Variants in GRB10 observed in about 807,000 individuals in gnomAD.
GRB10 encodes the protein growth factor receptor bound protein 10, also known as growth factor receptor-bound protein 10.
In GRB10, 20 loss-of-function variants were observed where a neutral mutation model predicts 80.9. The observed-to-expected ratio is 0.25, with a 90% CI of 0.17 to 0.36. GRB10 has a LOEUF of 0.36. Among genes scored for constraint, GRB10 ranks in the 10% least tolerant of loss-of-function variants. The probability of loss-of-function intolerance (pLI) is 1.00; values close to 1 mark genes in which losing one functional copy is unlikely to be tolerated. For synonymous variants in GRB10, 291 were observed against 291.5 expected, an observed-to-expected ratio of 1.00 and a Z score of 0.02; for missense variants, 548 against 747.7, an observed-to-expected ratio of 0.73 and a Z score of 3.12.
At chr7:50,623,455 C>T (rs1585855416) in intron 8 of GRB10, among the ~76,000 whole-genome samples, 1 of 152,232 alleles carries the variant, frequency 6.6e-6, no homozygotes, top group Non-Finnish European at 1.5e-5. Flanking sequence ...TCATAGGAGT[C>T]GTTCTCTGCT....
At chr7:50,697,337 G>A (rs1026011681) in intron 5 of GRB10, among the ~76,000 whole-genome samples, 2 of 152,064 alleles carry the variant, frequency 1.3e-5, no homozygotes, top group Non-Finnish European at 1.5e-5. Context: ...TTTCAAAATC[G>A]TCAAAAGTAA....
chr7:50,647,399 C>T (rs763537493), intron 7 of GRB10, among the ~76,000 whole-genome samples: 1 of 152,138 alleles, frequency 6.6e-6, no homozygotes, highest in Non-Finnish European at 1.5e-5. Flanking sequence ...TTGGCCGAAC[C>T]TTTTCAAGCC....
chr7:50,602,630 G>A (rs1373066727), intron 17 of GRB10, among the ~76,000 whole-genome samples: 1 of 152,190 alleles, frequency 6.6e-6, no homozygotes, highest in Non-Finnish European at 1.5e-5. Flanking sequence ...TATCCAAGGA[G>A]ACAGAAGTAT....
chr7:50,657,081 A>G (rs2058723284), intron 7 of GRB10, among the ~76,000 whole-genome samples: 1 of 152,202 alleles, frequency 6.6e-6, no homozygotes. Context: ...AGCTATCATG[A>G]GTGTTTTTTA....
At chr7:50,676,349 G>A (rs1054903123) in intron 5 of GRB10, among the ~76,000 whole-genome samples, 14 of 140,794 alleles carry the variant, frequency 9.9e-5, no homozygotes, top group Admixed American at 8.0e-4. Flanking sequence ...GGGGGGGGGG[G>A]GTTGTAAGGA....
At chr7:50,723,942 GC>G (rs2068167469) in intron 4 of GRB10, among the ~76,000 whole-genome samples, 1 of 152,264 alleles carries the variant, frequency 6.6e-6, no homozygotes, top group Non-Finnish European at 1.5e-5. Context: ...ACGCCCTAGT[GC>G]AGTGGCAAGG....
intron 5 of GRB10, among the ~76,000 whole-genome samples, chr7:50,696,224 T>A (rs2063397110): frequency 6.6e-6 from 1 of 152,220 alleles, no homozygotes; most frequent in South Asian, 2.1e-4. Flanking sequence ...TTTAAATGTA[T>A]GACCTTTGCA....
rs763815846 is a variant in GRB10 at position 50,614,762 on chromosome 7, G to A, written c.1095+8C>T. The A allele has an allele frequency of 1.7e-5, 27 of 1,588,800 alleles. No homozygotes were observed. Among genetic ancestry groups the A allele is most frequent in the Middle Eastern group, 1.7e-4 (1 of 6,018 alleles). ...CATGCGCGCCGTCTGTGGACAGCTC[G>A]TGGGTACCTTTATGCAGAGCCCGTG... On this transcript the variant is annotated splice_region_variant and intron_variant, in intron 12 of 18. Coordinates refer to ENST00000401949, the MANE Select transcript of GRB10 (RefSeq NM_001350814.2).
chr7:50,615,896 T>C (rs2050529654), intron 11 of GRB10, among the ~76,000 whole-genome samples: 1 of 152,188 alleles, frequency 6.6e-6, no homozygotes, highest in African/African-American at 2.4e-5. Flanking sequence ...CTAGCTTAAA[T>C]CCCAACTTAT....
chr7:50,692,059 T>G (rs555757646), intron 5 of GRB10, among the ~76,000 whole-genome samples: 1 of 152,340 alleles, frequency 6.6e-6, no homozygotes, highest in African/African-American at 2.4e-5. Context: ...TACTTGCACA[T>G]GTACAGACTT....
chr7:50,595,588 CACACACACTCTCTT>C (rs1329581171), intron 17 of GRB10, 58 bp from the exon 18 acceptor site: 2 of 839,162 alleles, frequency 2.4e-6, no homozygotes, highest in Non-Finnish European at 2.1e-6. Flanking sequence ...ACTAATCACA[CACACACACTCTCTT>C]ACACACACAC....
intron 5 of GRB10, among the ~76,000 whole-genome samples, chr7:50,694,878 A>G: frequency 6.6e-6 from 1 of 152,152 alleles, no homozygotes; most frequent in South Asian, 2.1e-4. Context: ...ACAAAAACAC[A>G]TTTCTCACCC....
intron 7 of GRB10, among the ~76,000 whole-genome samples, chr7:50,630,135 T>C (rs1037627802): frequency 6.6e-5 from 10 of 152,232 alleles, no homozygotes; most frequent in African/African-American, 2.2e-4. Context: ...CTTGCTTTCC[T>C]CATCCAAGCT....
chr7:50,693,743 G>C (rs984950248), intron 5 of GRB10, among the ~76,000 whole-genome samples: 4 of 152,078 alleles, frequency 2.6e-5, no homozygotes, highest in Non-Finnish European at 5.9e-5. Context: ...GTGCTTTGCA[G>C]GCATGGGATT....
At chr7:50,709,762 A>C (rs1303610220) in intron 4 of GRB10, among the ~76,000 whole-genome samples, 1 of 152,084 alleles carries the variant, frequency 6.6e-6, no homozygotes, top group Non-Finnish European at 1.5e-5. Context: ...CATGCCTGTT[A>C]GGGTACCAGG....
At chr7:50,757,733 A>G (rs1350529753) in intron 2 of GRB10, among the ~76,000 whole-genome samples, 1 of 152,244 alleles carries the variant, frequency 6.6e-6, no homozygotes, top group Admixed American at 6.5e-5. Context: ...GGCAATGGGA[A>G]CACTGGGAAA....
At chr7:50,679,587 TA>T (rs2061336551) in intron 5 of GRB10, among the ~76,000 whole-genome samples, 1 of 152,212 alleles carries the variant, frequency 6.6e-6, no homozygotes, top group East Asian at 1.9e-4. Context: ...TTCACAGACC[TA>T]CACAAGCTTC....
At chr7:50,733,074 G>A (rs1030117718) in intron 3 of GRB10, among the ~76,000 whole-genome samples, 1 of 152,216 alleles carries the variant, frequency 6.6e-6, no homozygotes, top group Admixed American at 6.5e-5. Context: ...TATTTGGAAG[G>A]AGGGTCTTTA....
intron 2 of GRB10, among the ~76,000 whole-genome samples, chr7:50,768,186 A>G (rs1458851684): frequency 6.6e-6 from 1 of 152,150 alleles, no homozygotes; most frequent in Non-Finnish European, 1.5e-5. Context: ...CCTGGCGACA[A>G]ACTGTGCAAC....
Sources: gnomAD v4.1 joint callset for allele counts (sites outside exome capture counted in the v4.1 genomes callset) on GRCh38, gnomAD v4.1.1 for gene constraint, MANE v1.5 for transcripts, NCBI Gene and HGNC (gene_info 2026-07-23, HGNC 2026-07-21) for gene names.